The following PCP4 variants were observed in gnomAD, a reference collection of about 807,000 sequenced individuals.
PCP4 encodes the protein Purkinje cell protein 4.
PCP4 carries 8 observed loss-of-function variants against 10.0 expected under a neutral mutation model. The ratio of observed to expected loss-of-function variants is 0.80; its 90% CI spans 0.47 to 1.45. PCP4 has a LOEUF of 1.45. PCP4 is among the 40% of genes most tolerant of loss of function. The pLI is 0.00. For missense variants in PCP4, 54 were observed against 74.4 expected (o/e 0.73, Z 1.01); for synonymous variants, 21 against 23.0 (o/e 0.91, Z 0.24).
At chr21:39,871,009 G>A (rs2087317037) in intron 1 of PCP4, among the ~76,000 whole-genome samples, 1 of 152,170 alleles carries the variant, frequency 6.6e-6, no homozygotes, top group Non-Finnish European at 1.5e-5. Flanking sequence ...ACACATGTCT[G>A]TTCTTAGCAC....
intron 1 of PCP4, among the ~76,000 whole-genome samples, chr21:39,894,653 T>C (rs1412482649): frequency 6.6e-6 from 1 of 152,218 alleles, no homozygotes; most frequent in African/African-American, 2.4e-5. Flanking sequence ...GATTCCAGAA[T>C]CTCATATCAG....
intron 1 of PCP4, among the ~76,000 whole-genome samples, chr21:39,880,454 CGT>C (rs1368415983): frequency 1.3e-5 from 2 of 151,742 alleles, no homozygotes; most frequent in Admixed American, 6.6e-5. Context: ...TCTGTGTGTG[CGT>C]GTGTGTGAGT....
intron 2 of PCP4, among the ~76,000 whole-genome samples, chr21:39,900,455 T>C (rs774376866): frequency 2.6e-5 from 4 of 152,146 alleles, no homozygotes; most frequent in Non-Finnish European, 4.4e-5. Context: ...CTGACTCTTA[T>C]AGAGATGGTA....
chr21:39,890,901 G>T (rs79160480), intron 1 of PCP4, among the ~76,000 whole-genome samples: 6,501 of 151,936 alleles, frequency 0.043, 451 homozygotes, highest in African/African-American at 0.15. Flanking sequence ...TGAGTTTTTT[G>T]TTTTCAAAGG....
At chr21:39,925,530 G>A (rs962876508) in intron 2 of PCP4, among the ~76,000 whole-genome samples, 7 of 152,238 alleles carry the variant, frequency 4.6e-5, no homozygotes, top group African/African-American at 1.4e-4. Context: ...GTAGAAGACC[G>A]AGGACAAACC....
Position 39,903,883 on chromosome 21 carries a change from A to AAC in PCP4, c.61+5357_61+5358insCA, listed in dbSNP as rs1179801057. Among the ~76,000 whole-genome samples the AAC allele has an allele frequency of 3.0e-4, 43 of 144,510 alleles. 1 individual carries two copies. The South Asian group carries it at 4.5e-3, about 15-fold the overall frequency. The allele number at this position is 144,510 out of a possible 152,430, so 94.8% of individuals were successfully genotyped here. A position where few individuals can be genotyped will look rare whatever the true frequency, so the allele number is the denominator to read the frequency against. ...ACTCCGTCTCAAAAAAAACAAAAAA[A>AAC]AAAAAAAAAAAAAGACTTAGTTTGA... On this transcript the variant is annotated intron_variant, in intron 2 of 2. Transcript: ENST00000328619.
Position 39,920,286 on chromosome 21 carries a change from G to GGTGT in PCP4, c.62-8688_62-8685dup, listed in dbSNP as rs55969852. On this transcript the variant is annotated intron_variant, in intron 2 of 2. Coordinates refer to ENST00000328619, the MANE Select transcript of PCP4 (RefSeq NM_006198.3). ...TGTGTGTGTGTGGTGTAGTGTGTGT[G>GGTGT]GTGTGTGTGTGTGGTGTGTATTTGA... is the stretch of plus-strand genomic sequence containing the variant. Among the ~76,000 whole-genome samples, 6 of 142,548 alleles carry GGTGT rather than the reference G, an allele frequency of 4.2e-5. 1 individual carries two copies. The East Asian group carries it at 8.6e-4, about 20-fold the overall frequency. The allele number at this position is 142,548 out of a possible 152,430, so 93.5% of individuals were successfully genotyped here.
chr21:39,885,763 C>G (rs964049793), intron 1 of PCP4, among the ~76,000 whole-genome samples: 3 of 152,242 alleles, frequency 2.0e-5, no homozygotes, highest in African/African-American at 7.2e-5. Flanking sequence ...AGACTTTGCC[C>G]GGCTTTCTTT....
chr21:39,912,311 G>GT (rs2087544021), intron 2 of PCP4, among the ~76,000 whole-genome samples: 1 of 120,222 alleles, frequency 8.3e-6, no homozygotes, highest in Admixed American at 7.6e-5. Flanking sequence ...TCTTTTGAAA[G>GT]GTTTTTTTTT....
At position 39,909,641 on chromosome 21, in the gene PCP4, G is replaced by T. The variant is rs181418413; in HGVS notation, c.61+11114G>T. On this transcript the variant is annotated intron_variant, in intron 2 of 2. Transcript: ENST00000328619. The stretch of plus-strand genomic sequence containing the variant: ...AGACCAAGATATGGCTGGGTGTGCC[G>T]GGAGGAGGAACTGGGAAGTCAGCGA... Among the ~76,000 whole-genome samples the T allele has an allele frequency of 5.9e-5, 9 of 152,162 alleles. No homozygotes were observed. The East Asian group carries it at 1.6e-3, about 26-fold the overall frequency.
At chr21:39,878,415 A>G (rs998962758) in intron 1 of PCP4, among the ~76,000 whole-genome samples, 7 of 152,240 alleles carry the variant, frequency 4.6e-5, no homozygotes, top group Non-Finnish European at 1.0e-4. Context: ...AGCTCATTGT[A>G]TAGATACATG....
intron 2 of PCP4, among the ~76,000 whole-genome samples, chr21:39,909,359 A>G (rs1022027591): frequency 2.0e-5 from 3 of 152,152 alleles, no homozygotes; most frequent in Non-Finnish European, 2.9e-5. Context: ...TTTTTCTGAC[A>G]TGTTATTTCC....
intron 2 of PCP4, among the ~76,000 whole-genome samples, chr21:39,900,129 G>C (rs1042540273): frequency 6.6e-6 from 1 of 152,070 alleles, no homozygotes; most frequent in Non-Finnish European, 1.5e-5. Context: ...CTGCCTCCAG[G>C]GTTCAAGTGA....
chr21:39,893,756 C>G (rs1381330382), intron 1 of PCP4, among the ~76,000 whole-genome samples: 2 of 152,214 alleles, frequency 1.3e-5, no homozygotes, highest in African/African-American at 4.8e-5. Flanking sequence ...AGTGGTGTTA[C>G]TATTTGTGAT....
chr21:39,905,635 G>A (rs1329659606), intron 2 of PCP4, among the ~76,000 whole-genome samples: 2 of 152,166 alleles, frequency 1.3e-5, no homozygotes, highest in Admixed American at 6.5e-5. Flanking sequence ...GGAACACCTC[G>A]GATAAGTATG....
chr21:39,877,755 G>A (rs984654120), intron 1 of PCP4, among the ~76,000 whole-genome samples: 6 of 152,066 alleles, frequency 3.9e-5, no homozygotes, highest in Non-Finnish European at 8.8e-5. Flanking sequence ...ACCCTTGTTG[G>A]CAAAGTTTTC....
intron 2 of PCP4, among the ~76,000 whole-genome samples, chr21:39,912,829 C>T (rs910502417): frequency 8.5e-5 from 13 of 152,190 alleles, no homozygotes; most frequent in Admixed American, 7.2e-4. Context: ...CCTGTTTCAG[C>T]CTCCAGAGTA....
intron 1 of PCP4, among the ~76,000 whole-genome samples, chr21:39,884,270 C>T (rs2087389680): frequency 6.6e-6 from 1 of 151,754 alleles, no homozygotes; most frequent in African/African-American, 2.4e-5. Context: ...ACCTCCGCCT[C>T]CCAGGTTCAA....
At chr21:39,910,068 A>G (rs1373295262) in intron 2 of PCP4, among the ~76,000 whole-genome samples, 1 of 152,084 alleles carries the variant, frequency 6.6e-6, no homozygotes, top group Non-Finnish European at 1.5e-5. Context: ...GCCTTCTTCA[A>G]TATTTCTAAG....
Sources: allele counts gnomAD v4.1 joint callset (sites outside exome capture counted in the v4.1 genomes callset), GRCh38; gene constraint gnomAD v4.1.1; transcripts MANE v1.5; gene names NCBI Gene and HGNC (gene_info 2026-07-23, HGNC 2026-07-21).